Variants in SEPTIN9 observed in about 807,000 individuals in gnomAD.
SEPTIN9 encodes septin 9, also known as septin-9.
Under a neutral mutation model 56.6 loss-of-function variants are expected in SEPTIN9, and 13 were observed. That is an observed-to-expected ratio of 0.23 (90% CI 0.15 to 0.37). SEPTIN9 has a LOEUF of 0.37. Among genes scored for constraint, SEPTIN9 ranks in the 10% least tolerant of loss-of-function variants. The probability of loss-of-function intolerance (pLI) is 1.00; values close to 1 mark genes in which losing one functional copy is unlikely to be tolerated. For missense variants in SEPTIN9, 650 were observed against 823.1 expected, an observed-to-expected ratio of 0.79 and a Z score of 2.57; for synonymous variants, 332 against 334.1, an observed-to-expected ratio of 0.99 and a Z score of 0.07.
chr17:77,488,485 G>A (rs947072240), intron 6 of SEPTIN9, among the ~76,000 whole-genome samples, 164 bp downstream of exon 6: 3 of 152,198 alleles, frequency 2.0e-5, no homozygotes, highest in Non-Finnish European at 4.4e-5. Context: ...TGAAAATTCT[G>A]GACCAAAGCA....
rs1328111459 is a variant in SEPTIN9, at chr17:77,436,297, TC to T, written c.721+33598del. Among the ~76,000 whole-genome samples, 10 of 152,096 alleles carry T rather than the reference TC, an allele frequency of 6.6e-5. No individual in the cohort carries two copies. The highest frequency in any genetic ancestry group is 2.4e-4 in the African/African-American group (10 of 41,418). On this transcript the variant is annotated intron_variant, in intron 3 of 11. Coordinates refer to ENST00000427177, the MANE Select transcript of SEPTIN9 (RefSeq NM_001113491.2). The surrounding 1 kb of genome is among the most constrained non-coding windows in gnomAD (Gnocchi z 4.4). The stretch of plus-strand genomic sequence containing the variant: ...GGGGACACAGCGCTGTTCGGCACAG[TC>T]CCCTCTGAGCCACCCTGCATGTTTC...
rs577131369 is a variant in SEPTIN9, at chr17:77,346,278, C to CTTTTTTTTTTTTTTTTTTTTTTTTTTTTT, written c.76+39082_76+39110dup. Among the ~76,000 whole-genome samples, 6 of 46,316 alleles carry CTTTTTTTTTTTTTTTTTTTTTTTTTTTTT rather than the reference C, an allele frequency of 1.3e-4. 1 individual carries two copies. The highest frequency in any genetic ancestry group is 8.7e-4 in the East Asian group (1 of 1,144). The allele number at this position is 46,316 out of a possible 152,430, so 30.4% of individuals were successfully genotyped here. A position where few individuals can be genotyped will look rare whatever the true frequency, so the allele number is the denominator to read the frequency against. ...AGATTCTTAAAGCAGATCCTTAGGTCTTTTTTTTTTTTTTTTTTTTTTTTT... is the reference window on the plus strand; with the variant it reads ...AGATTCTTAAAGCAGATCCTTAGGTCTTTTTTTTTTTTTTTTTTTTTTTTTTTTTTTTTTTTTTTTTTTTTTTTTTTTTT... On this transcript the variant is annotated intron_variant, in intron 2 of 11. Coordinates refer to ENST00000427177, the MANE Select transcript of SEPTIN9 (RefSeq NM_001113491.2).
At chr17:77,479,005 G>T (rs1350275346) in intron 3 of SEPTIN9, among the ~76,000 whole-genome samples, 2 of 152,220 alleles carry the variant, frequency 1.3e-5, no homozygotes, top group Admixed American at 6.5e-5. Flanking sequence ...GCAGAATGGA[G>T]GTTGCCAGAG....
At chr17:77,406,543 C>G (rs892757769) in intron 3 of SEPTIN9, among the ~76,000 whole-genome samples, 1 of 152,004 alleles carries the variant, frequency 6.6e-6, no homozygotes, top group African/African-American at 2.4e-5. Context: ...GAGAAAGAAC[C>G]TAAAATTCAC....
At chr17:77,484,576 G>GGTA (rs2039609208) in intron 4 of SEPTIN9, among the ~76,000 whole-genome samples, 1 of 39,380 alleles carries the variant, frequency 2.5e-5, no homozygotes, top group Non-Finnish European at 4.9e-5. Context: ...TGGTGATGGT[G>GGTA]GTTATGATGG....
intron 3 of SEPTIN9, among the ~76,000 whole-genome samples, chr17:77,422,948 G>A (rs1044895416): frequency 5.3e-5 from 8 of 152,124 alleles, no homozygotes; most frequent in East Asian, 1.9e-4. Flanking sequence ...CTTCTGGTTC[G>A]TCTCCCTTTT....
At position 77,367,591 on chromosome 17, in the gene SEPTIN9, G is replaced by A. The variant is rs1210363443; in HGVS notation, c.77-34468G>A. ...AGCACTTTGGGAGGCTGAGGAGGAT[G>A]GATCACTTGAGGCCAGGAGTTCGAG... On this transcript the variant is annotated intron_variant, in intron 2 of 11. Transcript: ENST00000427177. This position sits in a 1 kb window ranked among gnomAD's most constrained non-coding sequence, Gnocchi z 4.5. Among the ~76,000 whole-genome samples, 1 of 152,050 alleles carries A rather than the reference G, an allele frequency of 6.6e-6. No individual in the cohort carries two copies. The highest frequency in any genetic ancestry group is 1.5e-5 in the Non-Finnish European group (1 of 67,994).
At chr17:77,346,662 A>G (rs1598226744) in intron 2 of SEPTIN9, among the ~76,000 whole-genome samples, 1 of 152,186 alleles carries the variant, frequency 6.6e-6, no homozygotes, top group Non-Finnish European at 1.5e-5. Flanking sequence ...CTTCCTGAGT[A>G]TAGAGCTTTA....
rs995642077 is a variant in SEPTIN9, at chr17:77,498,455, G to A, written c.1626-68G>A. ...CTGAGTCCGAGGCAGGCCGAGCAGG[G>A]CCCCTGCCCCGCTGCCCCCACCCCG... On this transcript the variant is annotated intron_variant, in intron 11 of 11. Transcript: ENST00000427177. The A allele has an allele frequency of 9.2e-6, 8 of 868,776 alleles. No individual in the cohort carries two copies. The African/African-American group carries it at 1.3e-4, about 15-fold the overall frequency. The allele number at this position is 868,776 out of a possible 1,614,324, so 53.8% of individuals were successfully genotyped here.
At chr17:77,418,416 C>T (rs886834850) in intron 3 of SEPTIN9, among the ~76,000 whole-genome samples, 4 of 151,928 alleles carry the variant, frequency 2.6e-5, no homozygotes, top group African/African-American at 9.7e-5. Context: ...CATCTTGGCT[C>T]ACTGCAATCT....
chr17:77,336,998 GT>G (rs61414789), intron 2 of SEPTIN9, among the ~76,000 whole-genome samples: 48,976 of 128,410 alleles, frequency 0.38, 9,287 homozygotes, highest in South Asian at 0.6. Context: ...TTTGCCCCCC[GT>G]TTTTTTTTTT....
intron 3 of SEPTIN9, among the ~76,000 whole-genome samples, chr17:77,414,072 A>G (rs1308838620): frequency 6.6e-6 from 1 of 150,486 alleles, no homozygotes; most frequent in African/African-American, 2.5e-5. Flanking sequence ...CAATCCACCA[A>G]TTTATTTATT....
chr17:77,329,766 G>A lies in SEPTIN9; in HGVS notation c.76+22569G>A, dbSNP rs148823324. ...CAGGTTTCTTCCCAGCCTCTGACTC[G>A]GGGCAAGGTTCAGATATCCAGAACA... On this transcript the variant is annotated intron_variant, in intron 2 of 11. Coordinates refer to ENST00000427177, the MANE Select transcript of SEPTIN9 (RefSeq NM_001113491.2). The surrounding 1 kb of genome is among the most constrained non-coding windows in gnomAD (Gnocchi z 4.3). Among the ~76,000 whole-genome samples, 618 of 152,206 alleles carry A rather than the reference G, an allele frequency of 4.1e-3. 6 individuals carry two copies. Among genetic ancestry groups the A allele is most frequent in the South Asian group, 0.013 (61 of 4,820 alleles).
Position 77,451,482 on chromosome 17 carries a change from C to T in SEPTIN9, c.722-30662C>T, listed in dbSNP as rs2037966634. ...TGAGCCATGTGACCCGGTGGGCGGG[C>T]CGCGGCTCTCGGCGCGTCCAGCGCA... is the stretch of plus-strand genomic sequence containing the variant. On this transcript the variant is annotated intron_variant, in intron 3 of 11. Coordinates refer to ENST00000427177, the MANE Select transcript of SEPTIN9 (RefSeq NM_001113491.2). The surrounding 1 kb of genome is among the most constrained non-coding windows in gnomAD (Gnocchi z 4.2). 1.0e-6 allele frequency: 1 copy of T among 985,858 alleles called. No homozygotes were observed. Among genetic ancestry groups the T allele is most frequent in the Non-Finnish European group, 1.2e-6 (1 of 830,268 alleles). 61.1% of individuals were successfully genotyped at this position (985,858 alleles called of 1,614,324 possible). A position where few individuals can be genotyped will look rare whatever the true frequency, so the allele number is the denominator to read the frequency against.
At chr17:77,295,808 C>G (rs1269799531) in intron 1 of SEPTIN9, among the ~76,000 whole-genome samples, 1 of 151,732 alleles carries the variant, frequency 6.6e-6, no homozygotes, top group Non-Finnish European at 1.5e-5. Flanking sequence ...CCACGGAGGC[C>G]CCTTTCCTCT....
At chr17:77,457,474 C>A (rs1018511662) in intron 3 of SEPTIN9, among the ~76,000 whole-genome samples, 10 of 152,160 alleles carry the variant, frequency 6.6e-5, no homozygotes, top group Admixed American at 3.3e-4. Context: ...CCGGAGCAGA[C>A]GTTAAGCGAG....
In SEPTIN9 at chr17:77,405,804, A is replaced by G. The variant is rs2036048477; in HGVS notation, c.721+3101A>G. Among the ~76,000 whole-genome samples, 1 of 151,300 alleles carries G rather than the reference A, an allele frequency of 6.6e-6. No homozygotes were observed. Among genetic ancestry groups the G allele is most frequent in the South Asian group, 2.1e-4 (1 of 4,776 alleles). ...CTGGACACGGATCCAGTTCTCTCCAACTCAGCTTCCTGCCCATCTTTCCTT... is the reference window on the plus strand; with the variant it reads ...CTGGACACGGATCCAGTTCTCTCCAGCTCAGCTTCCTGCCCATCTTTCCTT... On this transcript the variant is annotated intron_variant, in intron 3 of 11. Coordinates refer to ENST00000427177, the MANE Select transcript of SEPTIN9 (RefSeq NM_001113491.2). The surrounding 1 kb of genome is among the most constrained non-coding windows in gnomAD (Gnocchi z 5.8).
At chr17:77,361,127 T>C (rs1458165483) in intron 2 of SEPTIN9, among the ~76,000 whole-genome samples, 2 of 152,158 alleles carry the variant, frequency 1.3e-5, no homozygotes, top group Admixed American at 6.5e-5. Flanking sequence ...TTTCACCACA[T>C]TGGCCAGGCT....
chr17:77,325,055 G>C (rs918433094), intron 2 of SEPTIN9, among the ~76,000 whole-genome samples: 1 of 152,112 alleles, frequency 6.6e-6, no homozygotes, highest in Non-Finnish European at 1.5e-5. Flanking sequence ...CTGACCTCAA[G>C]TAATCCACCC....
Sources: gnomAD v4.1 joint callset for allele counts (sites outside exome capture counted in the v4.1 genomes callset) on GRCh38, gnomAD v4.1.1 for gene constraint, Gnocchi (gnomAD v3.1) non-coding constraint, MANE v1.5 for transcripts, NCBI Gene and HGNC (gene_info 2026-07-23, HGNC 2026-07-21) for gene names.